CFAP299: variants seen among roughly 807,000 people sequenced by gnomAD.
The protein encoded by CFAP299 is cilia and flagella associated protein 299, also known as cilia- and flagella-associated protein 299.
A neutral mutation model predicts 27.0 loss-of-function variants in CFAP299; 21 were observed. The observed-to-expected ratio is 0.78, with a 90% CI of 0.55 to 1.12. The LOEUF is 1.12. Ranked by LOEUF, CFAP299 falls within the 50% of genes most tolerant of loss-of-function variation. CFAP299 has a pLI of 0.00. For missense variants in CFAP299, 310 were observed against 276.6 expected, an observed-to-expected ratio of 1.12 and a Z score of -0.86; for synonymous variants, 104 against 98.1, an observed-to-expected ratio of 1.06 and a Z score of -0.36.
intron 3 of CFAP299, among the ~76,000 whole-genome samples, chr4:80,806,544 A>T (rs554300332): frequency 6.6e-6 from 1 of 152,336 alleles, no homozygotes; most frequent in Admixed American, 6.5e-5. Flanking sequence ...CTAGAGGTAC[A>T]TTACAAACAA....
At chr4:80,390,917 A>G (rs1159423128) in intron 2 of CFAP299, among the ~76,000 whole-genome samples, 3 of 54,988 alleles carry the variant, frequency 5.5e-5, no homozygotes, top group South Asian at 7.0e-4. Context: ...ATGTATATAC[A>G]CACATATGTA....
chr4:80,882,536 G>T (rs987557152), intron 4 of CFAP299, among the ~76,000 whole-genome samples: 1 of 152,020 alleles, frequency 6.6e-6, no homozygotes, highest in Non-Finnish European at 1.5e-5. Flanking sequence ...TACTCCGGAG[G>T]CTGAGGCAGG....
At chr4:80,729,355 C>A (rs932361053) in intron 3 of CFAP299, among the ~76,000 whole-genome samples, 1 of 152,172 alleles carries the variant, frequency 6.6e-6, no homozygotes, top group East Asian at 1.9e-4. Flanking sequence ...TCCTACTATT[C>A]ATGCACTTAG....
chr4:80,455,384 T>A (rs1729093621), intron 2 of CFAP299, among the ~76,000 whole-genome samples: 1 of 152,224 alleles, frequency 6.6e-6, no homozygotes, highest in African/African-American at 2.4e-5. Flanking sequence ...GTCAAGGCAG[T>A]TTCACGGGCA....
rs116433918 is a variant in CFAP299, at chr4:80,389,116, G to A, written c.242+26232G>A. Among the ~76,000 whole-genome samples, 546 of 152,084 alleles carry A rather than the reference G, an allele frequency of 3.6e-3. 3 individuals carry two copies. Among genetic ancestry groups the A allele is most frequent in the African/African-American group, 0.012 (513 of 41,482 alleles). ...AAGACATTTAAGGAATTTCTAATAC[G>A]AAATCCTCCTTTTATGCCTGGGATA... On this transcript the variant is annotated intron_variant, in intron 2 of 5. Coordinates refer to ENST00000358105, the MANE Select transcript of CFAP299 (RefSeq NM_152770.3).
chr4:80,943,104 A>G (rs1455279761), intron 4 of CFAP299, among the ~76,000 whole-genome samples: 3 of 152,226 alleles, frequency 2.0e-5, no homozygotes, highest in African/African-American at 7.2e-5. Flanking sequence ...CACAATTCTC[A>G]ATTCACTAAT....
intron 2 of CFAP299, among the ~76,000 whole-genome samples, chr4:80,456,667 G>T (rs1247032154): frequency 6.6e-6 from 1 of 152,178 alleles, no homozygotes; most frequent in African/African-American, 2.4e-5. Flanking sequence ...TTTAGATGTA[G>T]CAAGTTTGAG....
At chr4:80,437,958 A>T (rs1728172408) in intron 2 of CFAP299, among the ~76,000 whole-genome samples, 1 of 152,036 alleles carries the variant, frequency 6.6e-6, no homozygotes, top group Non-Finnish European at 1.5e-5. Context: ...TTTCTTACTC[A>T]TAAAATATAT....
chr4:80,866,648 G>A (rs913374987), intron 3 of CFAP299, among the ~76,000 whole-genome samples: 3 of 152,054 alleles, frequency 2.0e-5, no homozygotes, highest in Admixed American at 6.6e-5. Context: ...ACTTGCCCAG[G>A]GCTGTATACG....
intron 2 of CFAP299, among the ~76,000 whole-genome samples, chr4:80,535,266 T>C (rs979186632): frequency 6.6e-6 from 1 of 152,058 alleles, no homozygotes; most frequent in African/African-American, 2.4e-5. Context: ...AAAAATACCA[T>C]GATACCTGAA....
At chr4:80,924,765 T>A (rs1194653568) in intron 4 of CFAP299, among the ~76,000 whole-genome samples, 1 of 151,570 alleles carries the variant, frequency 6.6e-6, no homozygotes, top group Admixed American at 6.6e-5. Flanking sequence ...TAGAGTGTTA[T>A]AAGTATTATA....
At chr4:80,400,915 T>C (rs1726118325) in intron 2 of CFAP299, among the ~76,000 whole-genome samples, 1 of 152,140 alleles carries the variant, frequency 6.6e-6, no homozygotes, top group African/African-American at 2.4e-5. Context: ...GCTGAGATGG[T>C]CTTAGATGGA....
At chr4:80,376,331 G>T (rs1724408066) in intron 2 of CFAP299, among the ~76,000 whole-genome samples, 1 of 151,866 alleles carries the variant, frequency 6.6e-6, no homozygotes, top group Non-Finnish European at 1.5e-5. Context: ...GGATAATTGG[G>T]CTGTTTCTAG....
intron 3 of CFAP299, among the ~76,000 whole-genome samples, chr4:80,678,050 T>A (rs1360648664): frequency 6.6e-6 from 1 of 152,106 alleles, no homozygotes; most frequent in East Asian, 1.9e-4. Context: ...TTTCCTTTTT[T>A]AAATTTATCA....
intron 5 of CFAP299, among the ~76,000 whole-genome samples, chr4:80,960,391 T>C (rs1031056084): frequency 2.0e-5 from 3 of 151,948 alleles, no homozygotes; most frequent in South Asian, 2.1e-4. Flanking sequence ...TTGTCATTGC[T>C]ATGATCAAAT....
At chr4:80,562,877 A>G (rs900057091) in intron 2 of CFAP299, among the ~76,000 whole-genome samples, 4 of 151,928 alleles carry the variant, frequency 2.6e-5, no homozygotes, top group African/African-American at 2.4e-5. Context: ...ATGGATACCA[A>G]AAAAGAGCAG....
intron 3 of CFAP299, among the ~76,000 whole-genome samples, chr4:80,694,413 T>TGAG (rs1414632622): frequency 1.1e-4 from 17 of 152,244 alleles, no homozygotes; most frequent in Non-Finnish European, 1.5e-5. Flanking sequence ...AATAGGGTAA[T>TGAG]GTTTTCTCAG....
chr4:80,499,260 AAAAT>A (rs535577803), intron 2 of CFAP299, among the ~76,000 whole-genome samples: 1 of 152,280 alleles, frequency 6.6e-6, no homozygotes, highest in Non-Finnish European at 1.5e-5. Context: ...GAAAAAAGAA[AAAAT>A]AAATATTTGT....
chr4:80,445,101 T>C, intron 2 of CFAP299, among the ~76,000 whole-genome samples: 1 of 152,200 alleles, frequency 6.6e-6, no homozygotes, highest in Admixed American at 6.5e-5. Flanking sequence ...TCAACCATTG[T>C]TGAAGACAGT....
Sources: allele counts gnomAD v4.1 joint callset (sites outside exome capture counted in the v4.1 genomes callset), GRCh38; gene constraint gnomAD v4.1.1; transcripts MANE v1.5; gene names NCBI Gene and HGNC (gene_info 2026-07-23, HGNC 2026-07-21).